The following ESRRB variants were observed in gnomAD, a reference collection of about 807,000 sequenced individuals.
ESRRB encodes the protein estrogen related receptor beta, also known as steroid hormone receptor ERR2.
In ESRRB, 16 loss-of-function variants were observed where a neutral mutation model predicts 46.0. That is an observed-to-expected ratio of 0.35 (90% CI 0.24 to 0.53). ESRRB has a LOEUF of 0.53. Ranked by LOEUF, ESRRB falls within the 20% of genes least tolerant of loss-of-function variation. ESRRB has a pLI of 0.93. For missense variants in ESRRB, 488 were observed against 607.4 expected, an observed-to-expected ratio of 0.80 and a Z score of 2.07; for synonymous variants, 246 against 259.6, an observed-to-expected ratio of 0.95 and a Z score of 0.50.
chr14:76,350,844 C>T (rs1002330180), intron 1 of ESRRB, among the ~76,000 whole-genome samples: 4 of 152,170 alleles, frequency 2.6e-5, no homozygotes, highest in African/African-American at 7.2e-5. Context: ...CCCTGTCCTT[C>T]GGCAGGAATC....
chr14:76,399,869 A>T (rs923173097), intron 1 of ESRRB, among the ~76,000 whole-genome samples: 2 of 152,142 alleles, frequency 1.3e-5, no homozygotes, highest in Non-Finnish European at 2.9e-5. Flanking sequence ...TCCTGACCAG[A>T]TGCTGCCGTT....
At chr14:76,365,527 T>G (rs1360639618) in intron 1 of ESRRB, among the ~76,000 whole-genome samples, 1 of 152,122 alleles carries the variant, frequency 6.6e-6, no homozygotes, top group Non-Finnish European at 1.5e-5. Context: ...GAATCTATTG[T>G]TTGAACGCAG....
intron 1 of ESRRB, among the ~76,000 whole-genome samples, chr14:76,358,066 C>T (rs1433635872): frequency 6.6e-6 from 1 of 151,716 alleles, no homozygotes; most frequent in East Asian, 1.9e-4. Context: ...AATCCCAGCA[C>T]TTTGGAAGGC....
At chr14:76,460,767 T>C (rs1888821484) in intron 2 of ESRRB, among the ~76,000 whole-genome samples, 1 of 148,634 alleles carries the variant, frequency 6.7e-6, no homozygotes, top group Admixed American at 6.8e-5. Context: ...AATGGCGCAA[T>C]CTCGGCTCAC....
chr14:76,319,371 T>C (rs1883840638), intron 1 of ESRRB, among the ~76,000 whole-genome samples: 1 of 152,208 alleles, frequency 6.6e-6, no homozygotes, highest in African/African-American at 2.4e-5. Context: ...TTCAAGGGAC[T>C]TGGAGAACTA....
intron 1 of ESRRB, among the ~76,000 whole-genome samples, chr14:76,346,710 G>A (rs554755237): frequency 8.9e-4 from 135 of 152,274 alleles, no homozygotes; most frequent in Non-Finnish European, 1.2e-3. Context: ...CCCAGACCAC[G>A]GGAGCATCTG....
chr14:76,467,258 G>C (rs1464293588), intron 3 of ESRRB, among the ~76,000 whole-genome samples: 4 of 151,630 alleles, frequency 2.6e-5, no homozygotes, highest in African/African-American at 9.7e-5. Flanking sequence ...CCCAGCACTT[G>C]GGGAGGCCAA....
At chr14:76,452,287 C>T (rs556194969) in intron 2 of ESRRB, among the ~76,000 whole-genome samples, 60 of 152,056 alleles carry the variant, frequency 3.9e-4, no homozygotes, top group Non-Finnish European at 8.5e-4. Context: ...AAACCAAGAT[C>T]AGGGCAAAAG....
intron 1 of ESRRB, among the ~76,000 whole-genome samples, chr14:76,328,913 C>A (rs2139734493): frequency 6.6e-6 from 1 of 152,264 alleles, no homozygotes; most frequent in East Asian, 1.9e-4. Context: ...GGAATGCCCC[C>A]AAGAGCTGTG....
At position 76,433,366 on chromosome 14, in the gene ESRRB, G is replaced by A. The variant is rs112915167; in HGVS notation, c.51-5975G>A. Among the ~76,000 whole-genome samples the A allele has an allele frequency of 5.8e-3, 876 of 152,254 alleles. 3 individuals carry two copies. The highest frequency in any genetic ancestry group is 9.6e-3 in the Non-Finnish European group (655 of 68,020). ...CTACTTCAGGGAGAGAAGTGGGGGC[G>A]GTGATGGTAATGACACTGGACCAGC... On this transcript the variant is annotated intron_variant, in intron 1 of 6. Transcript: ENST00000644823.
At chr14:76,449,948 C>T (rs554289524) in intron 2 of ESRRB, among the ~76,000 whole-genome samples, 5 of 152,058 alleles carry the variant, frequency 3.3e-5, no homozygotes, top group Admixed American at 6.6e-5. Flanking sequence ...AATTGTAAAG[C>T]GGAGTCTCTC....
chr14:76,395,608 C>T (rs1885645458), intron 1 of ESRRB, among the ~76,000 whole-genome samples: 1 of 152,068 alleles, frequency 6.6e-6, no homozygotes, highest in Non-Finnish European at 1.5e-5. Context: ...AATAAGAATC[C>T]TTCTCTTATA....
At chr14:76,498,148 A>G (rs1012594044) in intron 6 of ESRRB, 66 bp from the exon 7 acceptor site, 10 of 1,605,058 alleles carry the variant, frequency 6.2e-6, no homozygotes, top group Non-Finnish European at 8.5e-6. Context: ...CTGGACCCCA[A>G]GATGGCCCCC....
intron 1 of ESRRB, among the ~76,000 whole-genome samples, chr14:76,422,597 T>C (rs1022032819): frequency 4.6e-5 from 7 of 152,344 alleles, no homozygotes; most frequent in Admixed American, 2.6e-4. Flanking sequence ...TGCCAGGACC[T>C]GTACCCAAGA....
chr14:76,430,716 G>A (rs1460471343), intron 1 of ESRRB, among the ~76,000 whole-genome samples: 6 of 152,250 alleles, frequency 3.9e-5, no homozygotes, highest in African/African-American at 1.2e-4. Flanking sequence ...CTCAAAGCCA[G>A]CAGCAATTAG....
intron 1 of ESRRB, among the ~76,000 whole-genome samples, chr14:76,439,053 C>A (rs1887796118): frequency 1.3e-5 from 2 of 152,050 alleles, no homozygotes; most frequent in South Asian, 4.1e-4. Flanking sequence ...CCTCCCCGCT[C>A]AGCCTCTCAA....
upstream of ESRRB, among the ~76,000 whole-genome samples, chr14:76,366,586 G>T (rs1884524624): frequency 6.6e-6 from 1 of 152,226 alleles, no homozygotes. Flanking sequence ...TAGAGCTATT[G>T]TTGGATGTGT....
chr14:76,332,417 G>A (rs1054397956), intron 1 of ESRRB, among the ~76,000 whole-genome samples: 28 of 133,642 alleles, frequency 2.1e-4, no homozygotes, highest in Admixed American at 6.3e-4. Flanking sequence ...TTCTGCCTCC[G>A]CCTCCTGAGT....
In ESRRB at chr14:76,331,500, G is replaced by C. The variant is rs141390795; in HGVS notation, c.2+20584G>C. Among the ~76,000 whole-genome samples the C allele has an allele frequency of 1.5e-3, 227 of 152,288 alleles. 2 individuals are homozygous for C. Among genetic ancestry groups the C allele is most frequent in the African/African-American group, 5.1e-3 (210 of 41,570 alleles). ...CTCTTAAAGACGTGAGAGGGAGGAA[G>C]TGTGTGTGGTTGGGGGAGAGGCTAT... On this transcript the variant is annotated intron_variant, in intron 1 of 6. Coordinates refer to the ESRRB transcript ENST00000512784.
Sources: gnomAD v4.1 joint callset for allele counts (sites outside exome capture counted in the v4.1 genomes callset) on GRCh38, gnomAD v4.1.1 for gene constraint, MANE v1.5 for transcripts, NCBI Gene and HGNC (gene_info 2026-07-23, HGNC 2026-07-21) for gene names.